TDRD5: variants seen among roughly 807,000 people sequenced by gnomAD.
TDRD5 encodes tudor domain containing 5, also known as tudor domain-containing protein 5.
Under a neutral mutation model 120.6 loss-of-function variants are expected in TDRD5, and 41 were observed. The observed-to-expected ratio is 0.34, with a 90% CI of 0.26 to 0.44. The LOEUF is 0.44. Among genes scored for constraint, TDRD5 ranks in the 20% least tolerant of loss-of-function variants. TDRD5 has a pLI of 1.00. For synonymous variants in TDRD5, 430 were observed against 433.7 expected (o/e 0.99, Z 0.11); for missense variants, 1,006 against 1,221.2 (o/e 0.82, Z 2.63).
At chr1:179,639,331 T>C (rs1275391943) in intron 9 of TDRD5, among the ~76,000 whole-genome samples, 1 of 152,196 alleles carries the variant, frequency 6.6e-6, no homozygotes, top group Non-Finnish European at 1.5e-5. Flanking sequence ...GCTTATATTA[T>C]GTTATACTTC....
chr1:179,651,129 A>C, intron 12 of TDRD5, 62 bp downstream of exon 12: 1 of 1,526,640 alleles, frequency 6.6e-7, no homozygotes, highest in Non-Finnish European at 8.9e-7. Flanking sequence ...TCAAGGTATA[A>C]GATAATTTAA....
chr1:179,598,845 T>C (rs1354009869), intron 4 of TDRD5, among the ~76,000 whole-genome samples: 1 of 152,102 alleles, frequency 6.6e-6, no homozygotes. Context: ...TTCCTCCTTT[T>C]CAATCTATCT....
intron 14 of TDRD5, among the ~76,000 whole-genome samples, chr1:179,655,022 G>T (rs947083738): frequency 2.6e-5 from 4 of 152,056 alleles, no homozygotes; most frequent in Non-Finnish European, 5.9e-5. Flanking sequence ...AAATGTTTAT[G>T]TACACAAAAC....
chr1:179,668,798 G>A (rs12040176), intron 16 of TDRD5, among the ~76,000 whole-genome samples: 49,301 of 146,688 alleles, frequency 0.34, 8,539 homozygotes, highest in Admixed American at 0.41. Flanking sequence ...GCTGGAGTGC[G>A]GTGGCGCAAC....
rs114994420 is a variant in TDRD5 at position 179,669,993 on chromosome 1, A to G, written c.2860+589A>G. Among the ~76,000 whole-genome samples the G allele has an allele frequency of 9.1e-3, 1,380 of 152,362 alleles. 30 individuals are homozygous for G. Among genetic ancestry groups the G allele is most frequent in the African/African-American group, 0.032 (1,322 of 41,584 alleles). Reference sequence around the variant, plus strand: ...CCACAATTTACCTGTTTACCAGTTAATGGACACCTATGTTGTTTCCAGAAT... The same window carrying G: ...CCACAATTTACCTGTTTACCAGTTAGTGGACACCTATGTTGTTTCCAGAAT... On this transcript the variant is annotated intron_variant, in intron 17 of 17. Coordinates refer to ENST00000444136, the MANE Select transcript of TDRD5 (RefSeq NM_001199085.3).
intron 11 of TDRD5, among the ~76,000 whole-genome samples, chr1:179,643,631 A>G (rs1219220497): frequency 5.2e-5 from 1 of 19,370 alleles, no homozygotes; most frequent in African/African-American, 6.5e-5. Flanking sequence ...AAACAGATCA[A>G]AAGAATTATC....
chr1:179,671,949 GGTGTGTGTGTGTGTGTGTGT>G (rs111855083), intron 17 of TDRD5, among the ~76,000 whole-genome samples: 2 of 141,728 alleles, frequency 1.4e-5, no homozygotes, highest in South Asian at 2.4e-4. Context: ...AATATTCCAT[GGTGTGTGTGTGTGTGTGTGT>G]GTGTGTGTGT....
At chr1:179,598,483 G>C (rs1216087917) in intron 4 of TDRD5, among the ~76,000 whole-genome samples, 3 of 152,162 alleles carry the variant, frequency 2.0e-5, no homozygotes, top group African/African-American at 7.2e-5. Flanking sequence ...ACAGTATCAA[G>C]TCTGCTGATT....
At chr1:179,681,981 T>TAA (rs1045901860) in intron 17 of TDRD5, among the ~76,000 whole-genome samples, 3 of 3,128 alleles carry the variant, frequency 9.6e-4, no homozygotes, top group African/African-American at 1.4e-3. Context: ...GACTCTGTCT[T>TAA]AAAAAAAAAA....
At chr1:179,666,260 A>G (rs1191817834) in intron 16 of TDRD5, among the ~76,000 whole-genome samples, 1 of 152,238 alleles carries the variant, frequency 6.6e-6, no homozygotes, top group Non-Finnish European at 1.5e-5. Flanking sequence ...CATACTGTTC[A>G]GCACCTTTCC....
intron 17 of TDRD5, among the ~76,000 whole-genome samples, chr1:179,672,545 G>A (rs1049032612): frequency 6.6e-6 from 1 of 152,104 alleles, no homozygotes; most frequent in African/African-American, 2.4e-5. Flanking sequence ...TCTGTGGGTT[G>A]TCTTGTTAAC....
chr1:179,681,506 A>G (rs1680419213), intron 17 of TDRD5, among the ~76,000 whole-genome samples: 1 of 152,184 alleles, frequency 6.6e-6, no homozygotes, highest in Admixed American at 6.5e-5. Flanking sequence ...AATGTCTTTT[A>G]TGTTTAGTCA....
chr1:179,622,835 GA>G (rs1213172368), intron 6 of TDRD5, among the ~76,000 whole-genome samples: 2 of 152,054 alleles, frequency 1.3e-5, no homozygotes, highest in East Asian at 3.9e-4. Flanking sequence ...AAATATATTT[GA>G]AAAAATAATG....
intron 11 of TDRD5, among the ~76,000 whole-genome samples, chr1:179,641,821 T>G (rs1678064757): frequency 6.6e-6 from 1 of 152,260 alleles, no homozygotes; most frequent in Non-Finnish European, 1.5e-5. Context: ...CATCGCCTGC[T>G]TAACCGTTTC....
At chr1:179,667,639 G>A (rs12039153) in intron 16 of TDRD5, among the ~76,000 whole-genome samples, 68,021 of 151,892 alleles carry the variant, frequency 0.45, 15,204 homozygotes, top group Admixed American at 0.48. Flanking sequence ...CTCATTTTAA[G>A]TGAAGATAAA....
In TDRD5 at chr1:179,663,387, T is replaced by G. The variant is rs1679407614; in HGVS notation, c.2545T>G (p.Ser849Ala). 1 of 1,613,688 alleles carries G rather than the reference T, an allele frequency of 6.2e-7. No homozygotes were observed. The highest frequency in any genetic ancestry group is 1.3e-5 in the African/African-American group (1 of 74,916). Reference sequence around the variant, plus strand: ...TACCCCTAAAGATACATGGGATGATTCTTGGCAGCCTTCAGGCCTTGTAAA... The same window carrying G: ...TACCCCTAAAGATACATGGGATGATGCTTGGCAGCCTTCAGGCCTTGTAAA... ...FSTPKDTWDD[S>A]WQPSGLVNGT... Residue 849 changes from serine to alanine, a missense_variant, in exon 16 of 18, where the codon TCT becomes GCT. Transcript: ENST00000444136.
chr1:179,634,710 T>A (rs537646549), intron 8 of TDRD5, 81 bp downstream of exon 8: 1 of 1,454,692 alleles, frequency 6.9e-7, no homozygotes, highest in Admixed American at 2.5e-5. Flanking sequence ...AAACCAAAAT[T>A]CTTTTTAGAA....
At chr1:179,644,829 T>C (rs1678252486) in intron 11 of TDRD5, among the ~76,000 whole-genome samples, 1 of 151,914 alleles carries the variant, frequency 6.6e-6, no homozygotes, top group Non-Finnish European at 1.5e-5. Flanking sequence ...TTTTTTTCTA[T>C]TTTGTTTATT....
At chr1:179,651,206 T>C (rs1678693736) in intron 12 of TDRD5, 139 bp downstream of exon 12, 1 of 887,190 alleles carries the variant, frequency 1.1e-6, no homozygotes, top group Non-Finnish European at 1.7e-6. Context: ...GGCTTTTTAA[T>C]GCAGAGCACT....
Sources: allele counts gnomAD v4.1 joint callset (sites outside exome capture counted in the v4.1 genomes callset), GRCh38; gene constraint gnomAD v4.1.1; transcripts MANE v1.5; gene names NCBI Gene and HGNC (gene_info 2026-07-23, HGNC 2026-07-21).